GLRA3: variants seen among roughly 807,000 people sequenced by gnomAD.
GLRA3 encodes the protein glycine receptor alpha 3.
In GLRA3, 44 loss-of-function variants were observed where a neutral mutation model predicts 60.4. That is an observed-to-expected ratio of 0.73 (90% CI 0.57 to 0.94). The LOEUF is 0.94. Ranked by LOEUF, GLRA3 falls within the 40% of genes least tolerant of loss-of-function variation. The probability of loss-of-function intolerance (pLI) is 0.00; values close to 1 mark genes in which losing one functional copy is unlikely to be tolerated. For missense variants in GLRA3, 508 were observed against 564.6 expected (o/e 0.90, Z 1.02); for synonymous variants, 223 against 192.9 (o/e 1.16, Z -1.29).
Position 174,638,748 on chromosome 4 carries a change from T to C in GLRA3, c.*5038A>G, listed in dbSNP as rs1460394707. 6.6e-6 allele frequency: 1 copy of C among 152,246 alleles called. No individual in the cohort carries two copies. Among genetic ancestry groups the C allele is most frequent in the African/African-American group, 2.4e-5 (1 of 41,462 alleles). The allele number at this position is 152,246 out of a possible 1,614,324, so 9.4% of individuals were successfully genotyped here. A position where few individuals can be genotyped will look rare whatever the true frequency, so the allele number is the denominator to read the frequency against. On this transcript the variant is annotated 3_prime_UTR_variant, in exon 10 of 10. Transcript: ENST00000274093. ...CGAATTCTCTCACTTCTGGAATTTTTTCAATCATCCAGAATTTCAGATCTT... is the reference window on the plus strand; with the variant it reads ...CGAATTCTCTCACTTCTGGAATTTTCTCAATCATCCAGAATTTCAGATCTT...
intron 4 of GLRA3, among the ~76,000 whole-genome samples, chr4:174,721,579 G>A: frequency 6.6e-6 from 1 of 151,802 alleles, no homozygotes; most frequent in East Asian, 1.9e-4. Context: ...TCAGTTAGTA[G>A]CAGATGGCTC....
chr4:174,661,388 G>A (rs1323640007), intron 7 of GLRA3, among the ~76,000 whole-genome samples: 1 of 152,058 alleles, frequency 6.6e-6, no homozygotes, highest in Non-Finnish European at 1.5e-5. Flanking sequence ...ACATGTACTT[G>A]ATCATTCACC....
At position 174,704,784 on chromosome 4, in the gene GLRA3, A is replaced by G. The variant is rs969468782; in HGVS notation, c.574+10704T>C. On this transcript the variant is annotated intron_variant, in intron 5 of 9. Transcript: ENST00000274093. ...TTAAAAAGGAAGAAAATCCTGACAT[A>G]TACTATAACATAGATAAACTTTGAG... Among the ~76,000 whole-genome samples, 61 of 144,142 alleles carry G rather than the reference A, an allele frequency of 4.2e-4. 12 individuals are homozygous for G. The highest frequency in any genetic ancestry group is 4.1e-3 in the Admixed American group (57 of 13,982). 94.6% of individuals were successfully genotyped at this position (144,142 alleles called of 152,430 possible). A position where few individuals can be genotyped will look rare whatever the true frequency, so the allele number is the denominator to read the frequency against.
chr4:174,801,061 T>G (rs1222990689), intron 1 of GLRA3, among the ~76,000 whole-genome samples: 2 of 152,080 alleles, frequency 1.3e-5, no homozygotes, highest in Non-Finnish European at 2.9e-5. Context: ...TCGGCTAAAC[T>G]ATGATGTGCA....
chr4:174,729,449 G>A (rs539013652), intron 3 of GLRA3, among the ~76,000 whole-genome samples: 7 of 152,186 alleles, frequency 4.6e-5, no homozygotes, highest in Admixed American at 2.0e-4. Flanking sequence ...AATAATGAAA[G>A]AATAATAAAG....
rs771115012 is a variant in GLRA3 at position 174,677,184 on chromosome 4, G to A, written c.821C>T (p.Ser274Leu). 1.9e-6 allele frequency: 3 copies of A among 1,611,292 alleles called. No individual in the cohort carries two copies. Among genetic ancestry groups the A allele is most frequent in the East Asian group, 2.2e-5 (1 of 44,868 alleles). Reference sequence around the variant, plus strand: ...TGCTGCATCCATGTTGATCCAGAATGAAACCCAGGATAGAATAACAATCAG... The same window carrying A: ...TGCTGCATCCATGTTGATCCAGAATAAAACCCAGGATAGAATAACAATCAG... ...SLLIVILSWV[S>L]FWINMDAAPA... Residue 274 changes from serine to leucine, a missense_variant, in exon 7 of 10, where the codon TCA becomes TTA. Physicochemically the swap from Ser to Leu is moderately radical, Grantham distance 145. Transcript: ENST00000274093.
intron 5 of GLRA3, among the ~76,000 whole-genome samples, chr4:174,711,747 C>G (rs944884120): frequency 2.6e-5 from 4 of 152,076 alleles, no homozygotes; most frequent in African/African-American, 7.2e-5. Flanking sequence ...GATTTTTTAC[C>G]AGCATGCCAC....
chr4:174,737,333 C>T (rs1267644953), intron 3 of GLRA3, among the ~76,000 whole-genome samples: 4 of 152,118 alleles, frequency 2.6e-5, no homozygotes, highest in East Asian at 1.9e-4. Flanking sequence ...ACTATTAACA[C>T]GTAGTAGCTT....
At chr4:174,750,315 A>T (rs766769459) in intron 3 of GLRA3, among the ~76,000 whole-genome samples, 2 of 152,116 alleles carry the variant, frequency 1.3e-5, no homozygotes, top group African/African-American at 4.8e-5. Flanking sequence ...AATGGCTCCT[A>T]TGGGTTATTT....
chr4:174,764,399 G>A (rs1012328756), intron 3 of GLRA3, among the ~76,000 whole-genome samples: 1 of 151,974 alleles, frequency 6.6e-6, no homozygotes, highest in Non-Finnish European at 1.5e-5. Context: ...TAATTACGTA[G>A]TTTTATTTTA....
At chr4:174,714,485 T>A (rs1360383877) in intron 5 of GLRA3, among the ~76,000 whole-genome samples, 2 of 152,186 alleles carry the variant, frequency 1.3e-5, no homozygotes, top group Non-Finnish European at 2.9e-5. Context: ...TCAATTTAAA[T>A]TTTCCAAGGA....
At chr4:174,655,149 C>G (rs572936555) in intron 9 of GLRA3, among the ~76,000 whole-genome samples, 2 of 152,048 alleles carry the variant, frequency 1.3e-5, no homozygotes, top group Admixed American at 6.6e-5. Context: ...TAAACCAGTA[C>G]TCATGACAAT....
chr4:174,644,676 T>C (rs1325126845), intron 9 of GLRA3, among the ~76,000 whole-genome samples: 2 of 152,206 alleles, frequency 1.3e-5, no homozygotes, highest in African/African-American at 2.4e-5. Context: ...TATGACTATG[T>C]TCCAGGCACA....
intron 2 of GLRA3, among the ~76,000 whole-genome samples, chr4:174,773,537 T>A (rs12506550): frequency 0.26 from 39,133 of 152,052 alleles, 5,802 homozygotes; most frequent in East Asian, 0.53. Context: ...GTATTAAAGT[T>A]TTATCTTTTT....
At chr4:174,710,076 T>C (rs1579486345) in intron 5 of GLRA3, among the ~76,000 whole-genome samples, 1 of 151,950 alleles carries the variant, frequency 6.6e-6, no homozygotes, top group East Asian at 1.9e-4. Flanking sequence ...CACAAAGAGT[T>C]CCTTATTGTC....
chr4:174,790,513 G>C (rs1201470718), intron 1 of GLRA3, among the ~76,000 whole-genome samples: 1 of 70,288 alleles, frequency 1.4e-5, no homozygotes, highest in Non-Finnish European at 3.0e-5. Context: ...GTGTGGAAAA[G>C]CATCGTTGGA....
chr4:174,643,940 G>C lies in GLRA3; in HGVS notation c.1241C>G (p.Pro414Arg). The C allele has an allele frequency of 1.2e-6, 2 of 1,614,044 alleles. No homozygotes were observed. Among genetic ancestry groups the C allele is most frequent in the Non-Finnish European group, 1.7e-6 (2 of 1,179,976 alleles). ...GATAAAGACCTTCCTCATTTCATCA[G>C]GACTTTTTGGCATTACCTGGACAGG... Reference protein sequence around the residue: ...NHPVQVMPKSPDEMRKVFIDR... With the variant: ...NHPVQVMPKSRDEMRKVFIDR... Residue 414 changes from proline to arginine, a missense_variant, in exon 10 of 10, where the codon CCT (proline) becomes CGT (arginine). Transcript: ENST00000274093.
chr4:174,772,741 C>G (rs1378683704), intron 2 of GLRA3, among the ~76,000 whole-genome samples: 4 of 152,074 alleles, frequency 2.6e-5, no homozygotes, highest in Non-Finnish European at 5.9e-5. Context: ...AGATTCTTAA[C>G]CTTGGAAGTG....
At chr4:174,654,311 A>C (rs1039013367) in intron 9 of GLRA3, among the ~76,000 whole-genome samples, 1 of 151,948 alleles carries the variant, frequency 6.6e-6, no homozygotes, top group African/African-American at 2.4e-5. Context: ...TTATCCTTAG[A>C]AGCTATCATG....
Sources: gnomAD v4.1 joint callset for allele counts (sites outside exome capture counted in the v4.1 genomes callset) on GRCh38, gnomAD v4.1.1 for gene constraint, MANE v1.5 for transcripts, NCBI Gene and HGNC (gene_info 2026-07-23, HGNC 2026-07-21) for gene names.